Variants in MYO1B observed in about 807,000 individuals in gnomAD.
The protein encoded by MYO1B is unconventional myosin-Ib.
Under a neutral mutation model 159.7 loss-of-function variants are expected in MYO1B, and 72 were observed. The observed-to-expected ratio is 0.45, with a 90% CI of 0.37 to 0.55. MYO1B has a LOEUF of 0.55. Ranked by LOEUF, MYO1B falls within the 20% of genes least tolerant of loss-of-function variation. The probability of loss-of-function intolerance (pLI) is 0.00; values close to 1 mark genes in which losing one functional copy is unlikely to be tolerated. For missense variants in MYO1B, 1,062 were observed against 1,364.8 expected (o/e 0.78, Z 3.50); for synonymous variants, 468 against 473.8 (o/e 0.99, Z 0.16).
intron 30 of MYO1B, among the ~76,000 whole-genome samples, chr2:191,419,748 A>G (rs555247744): frequency 3.3e-4 from 51 of 152,302 alleles, no homozygotes; most frequent in Middle Eastern, 3.4e-3. Context: ...CTAGGCTAAT[A>G]TGTTTGTATC....
chr2:191,373,811 T>A (rs1694529468), intron 13 of MYO1B, among the ~76,000 whole-genome samples: 1 of 152,210 alleles, frequency 6.6e-6, no homozygotes, highest in African/African-American at 2.4e-5. Flanking sequence ...AAATTTAACT[T>A]TCCTTCTACA....
At chr2:191,277,059 GT>G in intron 2 of MYO1B, 29 bp downstream of exon 2, 1 of 1,598,084 alleles carries the variant, frequency 6.3e-7, no homozygotes, top group Non-Finnish European at 8.5e-7. Context: ...CATCTGTAAT[GT>G]TTAGACTTTG....
chr2:191,311,729 G>A (rs1164123850), intron 3 of MYO1B, among the ~76,000 whole-genome samples: 1 of 152,198 alleles, frequency 6.6e-6, no homozygotes, highest in Non-Finnish European at 1.5e-5. Flanking sequence ...TTAAAGAAAA[G>A]TGTTACTGAA....
At chr2:191,402,746 C>A in intron 24 of MYO1B, 28 bp downstream of exon 24, 1 of 1,576,706 alleles carries the variant, frequency 6.3e-7, no homozygotes, top group Non-Finnish European at 8.7e-7. Flanking sequence ...TGTTTCTGTC[C>A]AGGGTGAACT....
intron 7 of MYO1B, among the ~76,000 whole-genome samples, chr2:191,354,256 AAATAAT>A (rs71030337): frequency 0.071 from 10,223 of 143,760 alleles, 435 homozygotes; most frequent in Admixed American, 0.13. Flanking sequence ...ACTCCGTCTT[AAATAAT>A]AATAATAATA....
chr2:191,263,511 T>C (rs944646686), intron 1 of MYO1B: 5 of 169,436 alleles, frequency 3.0e-5, no homozygotes, highest in African/African-American at 1.2e-4. Flanking sequence ...TTTTAAGTTT[T>C]GATGATTTAT....
At chr2:191,293,234 A>G (rs1256248827) in intron 2 of MYO1B, among the ~76,000 whole-genome samples, 1 of 152,330 alleles carries the variant, frequency 6.6e-6, no homozygotes, top group East Asian at 1.9e-4. Context: ...AAAAAACTCT[A>G]TCTTTAAAGT....
rs111729757 is a variant in MYO1B at position 191,414,744 on chromosome 2, C to T, written c.3159+75C>T. The T allele has an allele frequency of 4.0e-4, 599 of 1,493,722 alleles. No homozygotes were observed. The African/African-American group carries it at 7.5e-3, about 19-fold the overall frequency. The allele number at this position is 1,493,722 out of a possible 1,614,324, so 92.5% of individuals were successfully genotyped here. A position where few individuals can be genotyped will look rare whatever the true frequency, so the allele number is the denominator to read the frequency against. ...TAAAAAATTTCCATATCTGATAATC[C>T]TATCGCAGTTTATATATCTGCCTTG... On this transcript the variant is annotated intron_variant, in intron 29 of 30. Transcript: ENST00000392318.
At chr2:191,311,114 T>C (rs1362034730) in intron 3 of MYO1B, among the ~76,000 whole-genome samples, 1 of 152,194 alleles carries the variant, frequency 6.6e-6, no homozygotes, top group African/African-American at 2.4e-5. Flanking sequence ...CAGCTTGAGA[T>C]CCAAAAAGAA....
At chr2:191,284,404 C>A (rs1030125850) in intron 2 of MYO1B, among the ~76,000 whole-genome samples, 5 of 152,114 alleles carry the variant, frequency 3.3e-5, no homozygotes, top group Admixed American at 3.3e-4. Flanking sequence ...GCTGACAGAC[C>A]TGTTTGAACC....
intron 15 of MYO1B, 88 bp downstream of exon 15, chr2:191,383,430 T>G (rs1370316622): frequency 3.1e-6 from 1 of 320,538 alleles, no homozygotes. Flanking sequence ...TGTTAAGCAT[T>G]AGTATTTTCA....
intron 2 of MYO1B, among the ~76,000 whole-genome samples, chr2:191,289,230 T>C (rs774062191): frequency 3.3e-4 from 51 of 152,244 alleles, no homozygotes; most frequent in Non-Finnish European, 5.6e-4. Context: ...TTATATGGCA[T>C]TGTGCAACAC....
At chr2:191,380,635 T>C (rs1694983678) in intron 13 of MYO1B, among the ~76,000 whole-genome samples, 1 of 152,246 alleles carries the variant, frequency 6.6e-6, no homozygotes, top group Non-Finnish European at 1.5e-5. Context: ...GATTTAGGCA[T>C]AAAGCTTCTG....
chr2:191,414,366 CATATT>C (rs1574647638), intron 28 of MYO1B, 146 bp from the exon 29 acceptor site: 1 of 1,017,534 alleles, frequency 9.8e-7, no homozygotes, highest in East Asian at 2.7e-5. Flanking sequence ...TGAAATAAAA[CATATT>C]ATTTATGTTC....
chr2:191,323,451 C>A (rs1363200632), intron 3 of MYO1B, among the ~76,000 whole-genome samples: 1 of 152,100 alleles, frequency 6.6e-6, no homozygotes, highest in East Asian at 1.9e-4. Context: ...ACATGTGAAC[C>A]ATTTTATATA....
At chr2:191,335,715 T>C (rs1020086091) in intron 4 of MYO1B, among the ~76,000 whole-genome samples, 1 of 152,176 alleles carries the variant, frequency 6.6e-6, no homozygotes, top group African/African-American at 2.4e-5. Flanking sequence ...TCAATAAAAG[T>C]CTTTACTTAA....
intron 15 of MYO1B, among the ~76,000 whole-genome samples, 186 bp from the exon 16 acceptor site, chr2:191,385,698 C>T (rs1574571316): frequency 1.3e-5 from 2 of 152,172 alleles, no homozygotes; most frequent in African/African-American, 4.8e-5. Flanking sequence ...ATACACACAC[C>T]TGGGATCCTT....
At chr2:191,363,967 G>A in intron 10 of MYO1B, 92 bp downstream of exon 10, 1 of 1,509,872 alleles carries the variant, frequency 6.6e-7, no homozygotes, top group South Asian at 1.1e-5. Flanking sequence ...TTTTTGCTTT[G>A]CATTGGTTTG....
chr2:191,259,814 G>A (rs1686685766), intron 1 of MYO1B, among the ~76,000 whole-genome samples: 1 of 152,098 alleles, frequency 6.6e-6, no homozygotes, highest in Non-Finnish European at 1.5e-5. Context: ...GTGATGTTGG[G>A]AATGGTTTGC....
Sources: allele counts gnomAD v4.1 joint callset (sites outside exome capture counted in the v4.1 genomes callset), GRCh38; gene constraint gnomAD v4.1.1; transcripts MANE v1.5; gene names NCBI Gene and HGNC (gene_info 2026-07-23, HGNC 2026-07-21).